CDKAL1: variants seen among roughly 807,000 people sequenced by gnomAD.
CDKAL1 encodes the protein threonylcarbamoyladenosine tRNA methylthiotransferase.
CDKAL1 carries 32 observed loss-of-function variants against 68.2 expected under a neutral mutation model. The observed-to-expected ratio is 0.47, with a 90% CI of 0.35 to 0.63. The LOEUF is 0.63. Among genes scored for constraint, CDKAL1 ranks in the 30% least tolerant of loss-of-function variants. The pLI, the probability that CDKAL1 is intolerant of heterozygous loss-of-function variation, is 0.00. For synonymous variants in CDKAL1, 234 were observed against 244.3 expected, an observed-to-expected ratio of 0.96 and a Z score of 0.39; for missense variants, 606 against 696.7, an observed-to-expected ratio of 0.87 and a Z score of 1.47.
intron 10 of CDKAL1, among the ~76,000 whole-genome samples, chr6:20,996,271 G>A (rs944325691): frequency 1.8e-4 from 28 of 152,216 alleles, no homozygotes; most frequent in African/African-American, 6.5e-4. Flanking sequence ...CACTGGAGTG[G>A]CACTTTTGAT....
At chr6:20,748,554 G>GAAAAAA (rs1773762406) in intron 6 of CDKAL1, among the ~76,000 whole-genome samples, 3 of 77,106 alleles carry the variant, frequency 3.9e-5, no homozygotes, top group African/African-American at 1.4e-4. Flanking sequence ...CTCTGTTTCT[G>GAAAAAA]GAAAAAAAAA....
intron 6 of CDKAL1, among the ~76,000 whole-genome samples, chr6:20,755,814 A>T (rs1014414259): frequency 6.6e-6 from 1 of 152,194 alleles, no homozygotes; most frequent in Non-Finnish European, 1.5e-5. Context: ...CTGGTGTCCC[A>T]ATATTGTGTG....
At chr6:21,227,843 T>C (rs1218630665) in intron 15 of CDKAL1, among the ~76,000 whole-genome samples, 1 of 152,262 alleles carries the variant, frequency 6.6e-6, no homozygotes, top group Non-Finnish European at 1.5e-5. Context: ...CAAAATTTTA[T>C]GGCAGATGAG....
intron 13 of CDKAL1, among the ~76,000 whole-genome samples, chr6:21,187,786 C>T (rs9465989): frequency 0.07 from 10,672 of 151,974 alleles, 410 homozygotes; most frequent in African/African-American, 0.078. Flanking sequence ...CTTTTTGTGT[C>T]GTCAGTGAAA....
At chr6:20,598,725 T>G (rs1765949853) in intron 4 of CDKAL1, among the ~76,000 whole-genome samples, 1 of 152,192 alleles carries the variant, frequency 6.6e-6, no homozygotes, top group Non-Finnish European at 1.5e-5. Context: ...TAAAATAGAT[T>G]TACTACATGC....
intron 5 of CDKAL1, among the ~76,000 whole-genome samples, chr6:20,724,760 CAT>C (rs942180672): frequency 6.6e-6 from 1 of 152,152 alleles, no homozygotes; most frequent in African/African-American, 2.4e-5. Context: ...ATTGGGATCT[CAT>C]AGTACTACAG....
intron 4 of CDKAL1, among the ~76,000 whole-genome samples, chr6:20,555,992 G>A (rs1359059120): frequency 6.6e-6 from 1 of 151,988 alleles, no homozygotes; most frequent in Non-Finnish European, 1.5e-5. Context: ...GAAAGAAGGG[G>A]GTATATATCC....
At chr6:20,610,552 C>T (rs937092890) in intron 4 of CDKAL1, among the ~76,000 whole-genome samples, 2 of 151,374 alleles carry the variant, frequency 1.3e-5, no homozygotes, top group Admixed American at 1.3e-4. Flanking sequence ...CTGTTTTTGC[C>T]CAGTCTTCCC....
At chr6:20,905,757 G>A (rs1353913457) in intron 9 of CDKAL1, among the ~76,000 whole-genome samples, 1 of 152,024 alleles carries the variant, frequency 6.6e-6, no homozygotes, top group East Asian at 1.9e-4. Flanking sequence ...CAGAAACCTT[G>A]GAGCCCAGAA....
chr6:20,908,596 T>TA (rs572817256), intron 9 of CDKAL1, among the ~76,000 whole-genome samples: 5 of 152,088 alleles, frequency 3.3e-5, no homozygotes, highest in South Asian at 2.1e-4. Context: ...TTATAAAAAT[T>TA]AAAAAAATAC....
At chr6:21,043,626 T>C (rs1361651606) in intron 11 of CDKAL1, among the ~76,000 whole-genome samples, 1 of 152,248 alleles carries the variant, frequency 6.6e-6, no homozygotes, top group Non-Finnish European at 1.5e-5. Flanking sequence ...TTATTCATCA[T>C]CCCTATTTTA....
At chr6:20,639,051 A>G (rs1350490820) in intron 4 of CDKAL1, among the ~76,000 whole-genome samples, 3 of 152,156 alleles carry the variant, frequency 2.0e-5, no homozygotes, top group African/African-American at 7.2e-5. Context: ...GGTAAGTACA[A>G]CGTCTGTCTT....
intron 10 of CDKAL1, among the ~76,000 whole-genome samples, chr6:20,991,937 ATATCAT>A (rs1040852541): frequency 1.3e-5 from 2 of 150,914 alleles, no homozygotes; most frequent in African/African-American, 4.9e-5. Flanking sequence ...TAAAAATATA[ATATCAT>A]TATCATTAAT....
rs73732769 is a variant in CDKAL1 at position 20,762,782 on chromosome 6, T to C, written c.517+4139T>C. Among the ~76,000 whole-genome samples, 1,287 of 152,276 alleles carry C rather than the reference T, an allele frequency of 8.5e-3. 14 individuals are homozygous for C. Among genetic ancestry groups the C allele is most frequent in the African/African-American group, 0.028 (1,181 of 41,548 alleles). On this transcript the variant is annotated intron_variant, in intron 7 of 15. Coordinates refer to ENST00000274695, the MANE Select transcript of CDKAL1 (RefSeq NM_017774.3). ...CTGCTGGAATAATCTAACTGATCTT[T>C]GCCATCAGTGACTCTCCTTTCAATC...
intron 13 of CDKAL1, among the ~76,000 whole-genome samples, chr6:21,191,155 C>G (rs186935572): frequency 6.6e-6 from 1 of 152,334 alleles, no homozygotes. Context: ...TTTCTTCACA[C>G]AATTCTGTTT....
chr6:20,831,047 C>T (rs1392874171), intron 8 of CDKAL1, among the ~76,000 whole-genome samples: 1 of 151,782 alleles, frequency 6.6e-6, no homozygotes, highest in African/African-American at 2.4e-5. Context: ...ATTACGTCCA[C>T]CCTATAATAT....
intron 10 of CDKAL1, among the ~76,000 whole-genome samples, chr6:20,991,010 G>A (rs1400147382): frequency 6.6e-6 from 1 of 152,186 alleles, no homozygotes; most frequent in Non-Finnish European, 1.5e-5. Flanking sequence ...ATATACCTGT[G>A]GGATATGAGG....
intron 6 of CDKAL1, among the ~76,000 whole-genome samples, chr6:20,757,848 G>A (rs1774290836): frequency 6.6e-6 from 1 of 151,784 alleles, no homozygotes; most frequent in African/African-American, 2.4e-5. Context: ...TCTTTTTTTA[G>A]CTTTGTGAAT....
chr6:20,657,963 TCCATTAGA>T (rs1769104943), intron 5 of CDKAL1, among the ~76,000 whole-genome samples: 1 of 152,154 alleles, frequency 6.6e-6, no homozygotes, highest in Non-Finnish European at 1.5e-5. Context: ...CTTTGTTTTA[TCCATTAGA>T]CCATTTTGAT....
Sources: allele counts gnomAD v4.1 joint callset (sites outside exome capture counted in the v4.1 genomes callset), GRCh38; gene constraint gnomAD v4.1.1; transcripts MANE v1.5; gene names NCBI Gene and HGNC (gene_info 2026-07-23, HGNC 2026-07-21).